The following APPBP2 variants were observed in gnomAD, a reference collection of about 807,000 sequenced individuals.
The protein encoded by APPBP2 is amyloid beta precursor protein binding protein 2.
APPBP2 carries 15 observed loss-of-function variants against 76.0 expected under a neutral mutation model. The ratio of observed to expected loss-of-function variants is 0.20; its 90% confidence interval spans 0.13 to 0.30. The LOEUF is 0.30. Among genes scored for constraint, APPBP2 ranks in the 10% least tolerant of loss-of-function variants. The pLI is 1.00. For missense variants in APPBP2, 401 were observed against 687.2 expected (o/e 0.58, Z 4.66); for synonymous variants, 222 against 242.2 (o/e 0.92, Z 0.77).
chr17:60,462,413 T>A (rs550319005), intron 6 of APPBP2: 1 of 193,848 alleles, frequency 5.2e-6, no homozygotes, highest in African/African-American at 2.3e-5. Context: ...GGTCCTTATA[T>A]CCCAGTCCTG....
chr17:60,511,789 A>G (rs954387470), intron 1 of APPBP2, among the ~76,000 whole-genome samples: 1 of 152,144 alleles, frequency 6.6e-6, no homozygotes, highest in East Asian at 1.9e-4. Context: ...CTGTCAACAT[A>G]ATGGCACACT....
At chr17:60,456,217 G>C (rs2090430419) in intron 10 of APPBP2, 79 bp downstream of exon 10, 1 of 1,017,578 alleles carries the variant, frequency 9.8e-7, no homozygotes, top group Non-Finnish European at 1.5e-6. Flanking sequence ...CCAATCCTCT[G>C]AGAAAATAAA....
Position 60,516,321 on chromosome 17 carries a change from T to C in APPBP2, c.138+9473A>G, listed in dbSNP as rs140209425. Among the ~76,000 whole-genome samples, 199 of 152,308 alleles carry C rather than the reference T, an allele frequency of 1.3e-3. 1 individual carries two copies. The highest frequency in any genetic ancestry group is 6.8e-3 in the Middle Eastern group (2 of 294). The stretch of plus-strand genomic sequence containing the variant: ...GAATGAAAGTTTTTTCGTTCAATTT[T>C]TGTGCATTTTAAGAAACAGATCTTA... On this transcript the variant is annotated intron_variant, in intron 1 of 12. Coordinates refer to ENST00000083182, the MANE Select transcript of APPBP2 (RefSeq NM_006380.5).
intron 3 of APPBP2, among the ~76,000 whole-genome samples, chr17:60,490,107 T>C (rs2090714778): frequency 1.3e-5 from 2 of 152,120 alleles, no homozygotes. Flanking sequence ...GATCAAATAG[T>C]ACTGTATCTT....
rs114687658 is a variant in APPBP2, at chr17:60,518,753, C to T, written c.138+7041G>A. Among the ~76,000 whole-genome samples, 675 of 152,188 alleles carry T rather than the reference C, an allele frequency of 4.4e-3. 4 individuals carry two copies. Among genetic ancestry groups the T allele is most frequent in the African/African-American group, 0.015 (616 of 41,530 alleles). ...TCTTAGGCTCAAGCCATCCTCCCACCTTGGCCTCCCAAAGTTCTCAGATTA... is the reference window on the plus strand; with the variant it reads ...TCTTAGGCTCAAGCCATCCTCCCACTTTGGCCTCCCAAAGTTCTCAGATTA... On this transcript the variant is annotated intron_variant, in intron 1 of 12. Coordinates refer to ENST00000083182, the MANE Select transcript of APPBP2 (RefSeq NM_006380.5).
chr17:60,458,331 G>A (rs2090447186), intron 9 of APPBP2, among the ~76,000 whole-genome samples: 1 of 151,996 alleles, frequency 6.6e-6, no homozygotes, highest in Admixed American at 6.5e-5. Context: ...CTACTCAGGT[G>A]GCTGAGACAG....
intron 1 of APPBP2, among the ~76,000 whole-genome samples, chr17:60,522,634 TGTTCTGATCTTAGAA>T (rs2091019041): frequency 6.6e-6 from 1 of 152,186 alleles, no homozygotes. Context: ...TTAATTCTTT[TGTTCTGATCTTAGAA>T]GAAGAGTTCT....
chr17:60,495,316 A>C (rs2090765352), intron 2 of APPBP2, among the ~76,000 whole-genome samples: 1 of 152,052 alleles, frequency 6.6e-6, no homozygotes, highest in Non-Finnish European at 1.5e-5. Flanking sequence ...CACAAAAGAT[A>C]TATAAATGCC....
chr17:60,444,179 G>C lies in APPBP2; in HGVS notation c.*3402C>G, dbSNP rs551220170. 7.2e-5 allele frequency: 11 copies of C among 151,800 alleles called. No individual in the cohort carries two copies. The highest frequency in any genetic ancestry group is 2.7e-4 in the African/African-American group (11 of 41,092). 9.4% of individuals were successfully genotyped at this position (151,800 alleles called of 1,614,324 possible). A position where few individuals can be genotyped will look rare whatever the true frequency, so the allele number is the denominator to read the frequency against. On this transcript the variant is annotated 3_prime_UTR_variant, in exon 13 of 13. Coordinates refer to ENST00000083182, the MANE Select transcript of APPBP2 (RefSeq NM_006380.5). ...CAACTAAGTTCCTCCACAGCCAAGA[G>C]GTGAAGTACACATCCACTTCTAAAG...
At chr17:60,523,817 TAAGA>T (rs2091028959) in intron 1 of APPBP2, among the ~76,000 whole-genome samples, 1 of 152,242 alleles carries the variant, frequency 6.6e-6, no homozygotes, top group African/African-American at 2.4e-5. Context: ...TCTACTATCT[TAAGA>T]TAGATATCTA....
chr17:60,517,487 C>T (rs890139513), intron 1 of APPBP2, among the ~76,000 whole-genome samples: 17 of 152,130 alleles, frequency 1.1e-4, no homozygotes, highest in Non-Finnish European at 2.2e-4. Flanking sequence ...TTAATCTTTG[C>T]TGACATAAAA....
At chr17:60,454,086 C>G (rs2090415817) in intron 11 of APPBP2, among the ~76,000 whole-genome samples, 1 of 152,140 alleles carries the variant, frequency 6.6e-6, no homozygotes, top group South Asian at 2.1e-4. Context: ...TGGTCTGAAA[C>G]TCCTGGTCTC....
intron 1 of APPBP2, among the ~76,000 whole-genome samples, chr17:60,505,682 T>G (rs1005566634): frequency 1.1e-4 from 14 of 130,944 alleles, no homozygotes; most frequent in Admixed American, 2.9e-4. Context: ...TGCGGTTTTT[T>G]TTTTTTTTTT....
intron 9 of APPBP2, among the ~76,000 whole-genome samples, chr17:60,458,788 T>C (rs1022352963): frequency 1.3e-5 from 2 of 152,034 alleles, no homozygotes; most frequent in African/African-American, 4.8e-5. Flanking sequence ...TTTTGTTTTT[T>C]TTTTTGAGAC....
chr17:60,500,834 G>A (rs2090817235), intron 1 of APPBP2, among the ~76,000 whole-genome samples: 1 of 151,834 alleles, frequency 6.6e-6, no homozygotes, highest in Admixed American at 6.6e-5. Flanking sequence ...CAAAATAATA[G>A]CAAAGATAAT....
intron 2 of APPBP2, among the ~76,000 whole-genome samples, chr17:60,497,591 G>A (rs1354539375): frequency 6.6e-6 from 1 of 151,988 alleles, no homozygotes; most frequent in Non-Finnish European, 1.5e-5. Context: ...TTGTATCAAA[G>A]TATCTTATGT....
rs749800444 is a variant in APPBP2 at position 60,447,753 on chromosome 17, T to C, written c.1586A>G (p.Asn529Ser). Residue 529 changes from asparagine to serine, a missense_variant, in exon 13 of 13, where the codon AAT (asparagine) becomes AGT (serine). Around this residue, in one of 5 missense-constraint regions of APPBP2, gnomAD observed 56 missense variants for 76.5 expected, o/e 0.73. Transcript: ENST00000083182. ...GTGATATTCAAACACTTTCTCGTAA[T>C]TTCCAATGGAGTTGTAAAGTTTAAT... is the stretch of plus-strand genomic sequence containing the variant. The part of the protein sequence containing the change: ...GLIKLYNSIG[N>S]YEKVFEYHNV... The C allele has an allele frequency of 1.9e-6, 3 of 1,614,040 alleles. No homozygotes were observed. In the East Asian group the frequency reaches 6.7e-5, roughly 36 times the overall value.
At chr17:60,491,987 T>C (rs1056310006) in intron 3 of APPBP2, among the ~76,000 whole-genome samples, 10 of 151,780 alleles carry the variant, frequency 6.6e-5, no homozygotes, top group African/African-American at 2.4e-4. Flanking sequence ...GAGGAAAAAA[T>C]GGTTTTGTGA....
At chr17:60,495,471 T>C (rs2090768051) in intron 2 of APPBP2, among the ~76,000 whole-genome samples, 1 of 149,998 alleles carries the variant, frequency 6.7e-6, no homozygotes, top group South Asian at 2.1e-4. Context: ...TATTTATTTA[T>C]TTATTTATTT....
Sources: allele counts gnomAD v4.1 joint callset (sites outside exome capture counted in the v4.1 genomes callset), GRCh38; gene constraint gnomAD v4.1.1; regional missense constraint gnomAD v4.1.1; transcripts MANE v1.5; gene names NCBI Gene and HGNC (gene_info 2026-07-23, HGNC 2026-07-21).